The following EIF4ENIF1 variants were observed in gnomAD, a reference collection of about 807,000 sequenced individuals.
The protein encoded by EIF4ENIF1 is eukaryotic translation initiation factor 4E nuclear import factor 1.
A neutral mutation model predicts 110.5 loss-of-function variants in EIF4ENIF1; 23 were observed. The observed-to-expected ratio is 0.21, with a 90% CI of 0.15 to 0.29. The LOEUF is 0.29. EIF4ENIF1 is among the 10% of genes least tolerant of loss of function. The probability of loss-of-function intolerance (pLI) is 1.00; values close to 1 mark genes in which losing one functional copy is unlikely to be tolerated. For missense variants in EIF4ENIF1, 1,031 were observed against 1,221.1 expected (o/e 0.84, Z 2.32); for synonymous variants, 440 against 437.0 (o/e 1.01, Z -0.09).
intron 15 of EIF4ENIF1, among the ~76,000 whole-genome samples, chr22:31,443,911 C>T (rs779027584): frequency 6.6e-6 from 1 of 151,182 alleles, no homozygotes; most frequent in South Asian, 2.1e-4. Flanking sequence ...CCTCCCACCT[C>T]GGCCTCCCGA....
At chr22:31,468,684 T>C (rs2051270793) in intron 3 of EIF4ENIF1, among the ~76,000 whole-genome samples, 1 of 152,172 alleles carries the variant, frequency 6.6e-6, no homozygotes, top group Non-Finnish European at 1.5e-5. Context: ...TGTGAGCCAC[T>C]ACGCCCAGCC....
chr22:31,487,793 C>CAAAAAAAAAA (rs35367724), intron 2 of EIF4ENIF1, among the ~76,000 whole-genome samples: 2 of 69,014 alleles, frequency 2.9e-5, no homozygotes. Context: ...CTGTCGGGTG[C>CAAAAAAAAAA]AAAAAAAAAA....
At chr22:31,488,832 A>T in intron 1 of EIF4ENIF1, 87 bp from the exon 2 acceptor site, 1 of 1,439,348 alleles carries the variant, frequency 6.9e-7, no homozygotes, top group Non-Finnish European at 9.2e-7. Context: ...GAAACTTTTT[A>T]ATCTCTCAAA....
chr22:31,446,781 A>G (rs1278482386), intron 14 of EIF4ENIF1, among the ~76,000 whole-genome samples: 1 of 152,142 alleles, frequency 6.6e-6, no homozygotes, highest in Non-Finnish European at 1.5e-5. Context: ...TGTTTTATAT[A>G]GTTTTGTCTG....
chr22:31,445,889 T>C (rs1873626040), intron 14 of EIF4ENIF1, among the ~76,000 whole-genome samples: 1 of 151,716 alleles, frequency 6.6e-6, no homozygotes, highest in African/African-American at 2.4e-5. Flanking sequence ...ATATGCTTGC[T>C]AGTTTTGAGT....
intron 7 of EIF4ENIF1, among the ~76,000 whole-genome samples, chr22:31,456,297 C>T (rs1049723187): frequency 4.0e-5 from 6 of 150,382 alleles, no homozygotes; most frequent in Non-Finnish European, 8.9e-5. Flanking sequence ...GATCTCGGCT[C>T]ACTGCAAGCT....
rs542900258 is a variant in EIF4ENIF1 at position 31,488,577 on chromosome 22, T to C, written c.96+46A>G. On this transcript the variant is annotated intron_variant, in intron 2 of 18. Transcript: ENST00000330125. ...GAAATAGTTATACAATGTTACTAAC[T>C]TCGCCACCTAAAAAGAAACACTATT... is the stretch of plus-strand genomic sequence containing the variant. 10 of 1,613,064 alleles carry C rather than the reference T, an allele frequency of 6.2e-6. No homozygotes were observed. The African/African-American group carries it at 9.3e-5, about 15-fold the overall frequency.
chr22:31,480,552 G>C (rs2051774573), intron 2 of EIF4ENIF1, among the ~76,000 whole-genome samples: 1 of 152,174 alleles, frequency 6.6e-6, no homozygotes, highest in African/African-American at 2.4e-5. Flanking sequence ...GAGGTCAGAA[G>C]TTTGAGACCA....
rs769446229 is a variant in EIF4ENIF1, at chr22:31,480,891, C to T, written c.96+7732G>A. On this transcript the variant is annotated intron_variant, in intron 2 of 18. Coordinates refer to ENST00000330125, the MANE Select transcript of EIF4ENIF1 (RefSeq NM_019843.4). ...ACCATCCTGGCCAACATGGCGAAAT[C>T]GTCTCTACTAAAAAAAAGAAAATCA... Among the ~76,000 whole-genome samples the T allele has an allele frequency of 7.9e-5, 12 of 151,592 alleles. No individual in the cohort carries two copies. The East Asian group carries it at 9.7e-4, about 12-fold the overall frequency.
intron 17 of EIF4ENIF1, among the ~76,000 whole-genome samples, chr22:31,441,432 C>T (rs566998443): frequency 3.5e-4 from 53 of 149,990 alleles, no homozygotes; most frequent in African/African-American, 1.1e-3. Flanking sequence ...CCCAGCTACT[C>T]GGGAGGCTGA....
intron 2 of EIF4ENIF1, among the ~76,000 whole-genome samples, chr22:31,475,784 A>T (rs1425344822): frequency 6.6e-6 from 1 of 151,102 alleles, no homozygotes; most frequent in Non-Finnish European, 1.5e-5. Context: ...CTGCGGTGGG[A>T]GGGTCACTTG....
chr22:31,464,912 A>C (rs1012683351), intron 4 of EIF4ENIF1, among the ~76,000 whole-genome samples: 4 of 151,350 alleles, frequency 2.6e-5, no homozygotes, highest in Admixed American at 1.3e-4. Flanking sequence ...GCTTGATCAA[A>C]ATTTAAAACT....
At chr22:31,474,008 CCT>C (rs200822017) in intron 2 of EIF4ENIF1, among the ~76,000 whole-genome samples, 1,617 of 152,250 alleles carry the variant, frequency 0.011, 9 homozygotes, top group Middle Eastern at 0.027. Context: ...CCTCCTTTCC[CCT>C]GTTTATATAC....
chr22:31,465,430 C>G (rs538595265), intron 4 of EIF4ENIF1, among the ~76,000 whole-genome samples: 9 of 151,884 alleles, frequency 5.9e-5, no homozygotes, highest in African/African-American at 1.9e-4. Context: ...TGAAAAGATA[C>G]TCAACATAAT....
intron 3 of EIF4ENIF1, among the ~76,000 whole-genome samples, chr22:31,470,629 A>T (rs1211877255): frequency 6.9e-6 from 1 of 145,478 alleles, no homozygotes; most frequent in Non-Finnish European, 1.5e-5. Flanking sequence ...ATTAGCCTAC[A>T]TTTTTTTTAA....
At chr22:31,488,844 C>T in intron 1 of EIF4ENIF1, 99 bp from the exon 2 acceptor site, 1 of 1,381,696 alleles carries the variant, frequency 7.2e-7, no homozygotes, top group South Asian at 1.5e-5. Flanking sequence ...TCTCTCAAAA[C>T]AGCTAGTGTT....
At position 31,455,275 on chromosome 22, in the gene EIF4ENIF1, C is replaced by T; in HGVS notation, c.1140G>A (p.Gly380=). The T allele has an allele frequency of 6.2e-7, 1 of 1,611,576 alleles. No homozygotes were observed. The highest frequency in any genetic ancestry group is 8.5e-7 in the Non-Finnish European group (1 of 1,178,988). ...CCAATGGTATAGGAGCAAAGTAATT[C>T]CCCGAGTTCTGTCCAGGAGAGAGGA... ...QAILSPGQNS[G]NYFAPIPLED... is the part of the protein sequence containing the mutation. Residue 380 remains glycine (G), a synonymous_variant, in exon 9 of 19, where the codon GGG becomes GGA. Coordinates refer to ENST00000330125, the MANE Select transcript of EIF4ENIF1 (RefSeq NM_019843.4).
intron 2 of EIF4ENIF1, among the ~76,000 whole-genome samples, chr22:31,477,463 G>A (rs1230251576): frequency 1.3e-5 from 2 of 150,576 alleles, no homozygotes; most frequent in East Asian, 2.0e-4. Context: ...TAGAGTTATT[G>A]CTCTAATCAC....
At chr22:31,489,333 C>T (rs1221855632) in intron 1 of EIF4ENIF1, 1 of 152,704 alleles carries the variant, frequency 6.5e-6, no homozygotes, top group Non-Finnish European at 1.5e-5. Flanking sequence ...CCCGCAGCCC[C>T]TCACGCAGGC....
Sources: allele counts gnomAD v4.1 joint callset (sites outside exome capture counted in the v4.1 genomes callset), GRCh38; gene constraint gnomAD v4.1.1; transcripts MANE v1.5; gene names NCBI Gene and HGNC (gene_info 2026-07-23, HGNC 2026-07-21).